CEP76: variants seen among roughly 807,000 people sequenced by gnomAD.
CEP76 encodes centrosomal protein of 76 kDa.
In CEP76, 55 loss-of-function variants were observed where a neutral mutation model predicts 83.3. The observed-to-expected ratio is 0.66, with a 90% CI of 0.53 to 0.83. The LOEUF is 0.83. Among genes scored for constraint, CEP76 ranks in the 40% least tolerant of loss-of-function variants. The pLI is 0.00. For missense variants in CEP76, 694 were observed against 799.5 expected, an observed-to-expected ratio of 0.87 and a Z score of 1.59; for synonymous variants, 270 against 274.5, an observed-to-expected ratio of 0.98 and a Z score of 0.16.
At chr18:12,674,902 A>G (rs1230147963) in intron 10 of CEP76, 149 bp from the exon 11 acceptor site, 2 of 499,580 alleles carry the variant, frequency 4.0e-6, no homozygotes, top group Non-Finnish European at 6.8e-6. Context: ...ATAGGGATAC[A>G]TAGAAATAAA....
intron 4 of CEP76, among the ~76,000 whole-genome samples, chr18:12,698,607 C>T (rs4633785): frequency 0.39 from 59,511 of 151,918 alleles, 12,054 homozygotes; most frequent in Non-Finnish European, 0.45. Flanking sequence ...GCCTAAACTT[C>T]GACTTTTAAA....
At chr18:12,667,416 C>T (rs993659693) in intron 12 of CEP76, among the ~76,000 whole-genome samples, 1 of 151,916 alleles carries the variant, frequency 6.6e-6, no homozygotes, top group Admixed American at 6.6e-5. Flanking sequence ...ATGATCACAC[C>T]ACTGCACTCT....
intron 10 of CEP76, 144 bp from the exon 11 acceptor site, chr18:12,674,897 G>C (rs1286576340): frequency 6.1e-6 from 3 of 495,074 alleles, no homozygotes; most frequent in Non-Finnish European, 1.0e-5. Flanking sequence ...TAATTATAGG[G>C]ATACATAGAA....
chr18:12,699,285 G>T, intron 3 of CEP76, 82 bp from the exon 4 acceptor site: 3 of 1,015,472 alleles, frequency 3.0e-6, no homozygotes, highest in South Asian at 3.4e-5. Flanking sequence ...ATAAAAACTT[G>T]ACAGATAAAA....
At chr18:12,671,642 C>CTTTTTT (rs869130220), downstream of CEP76, among the ~76,000 whole-genome samples, 154 of 55,546 alleles carry the variant, frequency 2.8e-3, no homozygotes, top group Non-Finnish European at 3.1e-3. Flanking sequence ...TTCACACTTT[C>CTTTTTT]TTTTTTTTTT....
chr18:12,691,967 C>T (rs1223240839), intron 6 of CEP76, among the ~76,000 whole-genome samples: 1 of 152,076 alleles, frequency 6.6e-6, no homozygotes, highest in Non-Finnish European at 1.5e-5. Flanking sequence ...GATCCGCCCG[C>T]CTTGGCCTCC....
At chr18:12,677,440 G>C (rs962989176) in intron 10 of CEP76, among the ~76,000 whole-genome samples, 2 of 115,120 alleles carry the variant, frequency 1.7e-5, no homozygotes, top group Admixed American at 1.2e-4. Context: ...CTGGGTGACA[G>C]AGCGAGAGAT....
chr18:12,671,628 A>C (rs992355349), downstream of CEP76, among the ~76,000 whole-genome samples: 2 of 147,080 alleles, frequency 1.4e-5, no homozygotes, highest in Middle Eastern at 3.5e-3. Context: ...TTGAGGAATC[A>C]GGTTTCACAC....
At chr18:12,669,736 C>T (rs1383289851), downstream of CEP76, among the ~76,000 whole-genome samples, 1 of 152,088 alleles carries the variant, frequency 6.6e-6, no homozygotes, top group African/African-American at 2.4e-5. Flanking sequence ...CATGGTGGCT[C>T]ACGCCTGTAA....
chr18:12,664,700 T>C (rs2038770343), intron 12 of CEP76, among the ~76,000 whole-genome samples: 1 of 143,904 alleles, frequency 6.9e-6, no homozygotes, highest in Non-Finnish European at 1.5e-5. Context: ...GTCCTGATCT[T>C]TTTTTTTTTT....
chr18:12,700,926 ACT>A, intron 2 of CEP76, 30 bp downstream of exon 2: 1 of 1,534,708 alleles, frequency 6.5e-7, no homozygotes, highest in Non-Finnish European at 9.0e-7. Context: ...ATACATATAT[ACT>A]CTCATTTATT....
At chr18:12,699,310 A>T in intron 3 of CEP76, 107 bp from the exon 4 acceptor site, 1 of 747,774 alleles carries the variant, frequency 1.3e-6, no homozygotes, top group Non-Finnish European at 2.2e-6. Context: ...AATACCAAAG[A>T]CTAAAAAAAA....
At chr18:12,680,973 T>A in intron 8 of CEP76, 145 bp from the exon 9 acceptor site, 1 of 641,266 alleles carries the variant, frequency 1.6e-6, no homozygotes, top group Non-Finnish European at 2.5e-6. Flanking sequence ...CCAAGGCGGG[T>A]GGATCACATG....
intron 5 of CEP76, among the ~76,000 whole-genome samples, chr18:12,695,887 A>G (rs1053481997): frequency 1.5e-5 from 2 of 132,724 alleles, no homozygotes; most frequent in Non-Finnish European, 3.3e-5. Flanking sequence ...CACACACACT[A>G]AAAATTAGAA....
chr18:12,677,581 G>A (rs1412974085), intron 10 of CEP76, among the ~76,000 whole-genome samples: 5 of 151,972 alleles, frequency 3.3e-5, no homozygotes, highest in Non-Finnish European at 5.9e-5. Context: ...CCAACCTGGG[G>A]AGAAAAATGA....
rs1429271844 is a variant in CEP76 at position 12,698,827 on chromosome 18, A to G, written c.520+152T>C. The G allele has an allele frequency of 6.6e-6, 4 of 610,314 alleles. No individual in the cohort carries two copies. The East Asian group carries it at 1.1e-4, about 17-fold the overall frequency. The allele number at this position is 610,314 out of a possible 1,614,324, so 37.8% of individuals were successfully genotyped here. ...CAAACAGAATATTGCAAGAAGGTGG[A>G]TAGTAGTTTAAATTGAAAAGAGCAG... On this transcript the variant is annotated intron_variant, in intron 4 of 11. Coordinates refer to ENST00000262127, the MANE Select transcript of CEP76 (RefSeq NM_024899.4).
At chr18:12,669,139 G>C (rs1232893206), downstream of CEP76, among the ~76,000 whole-genome samples, 1 of 134,358 alleles carries the variant, frequency 7.4e-6, no homozygotes, top group Non-Finnish European at 1.6e-5. Context: ...TTTTGAGACA[G>C]AGTTTCACTG....
intron 9 of CEP76, among the ~76,000 whole-genome samples, chr18:12,680,318 G>A (rs1019105465): frequency 4.0e-5 from 6 of 151,898 alleles, no homozygotes; most frequent in Admixed American, 1.3e-4. Flanking sequence ...AACTTAAGCC[G>A]GACACAGTGG....
rs531171236 is a variant in CEP76 at position 12,673,270 on chromosome 18, T to C, written c.*95A>G. ...GAAGTATGCCATTCAAGCCAGATTGTGATTTTAAAATAACAAACCTCTAAA... is the reference window on the plus strand; with the variant it reads ...GAAGTATGCCATTCAAGCCAGATTGCGATTTTAAAATAACAAACCTCTAAA... On this transcript the variant is annotated 3_prime_UTR_variant, in exon 12 of 12. Transcript: ENST00000262127. 23 of 1,480,910 alleles carry C rather than the reference T, an allele frequency of 1.6e-5. No homozygotes were observed. In the African/African-American group the frequency reaches 1.8e-4, roughly 11 times the overall value. 91.7% of individuals were successfully genotyped at this position (1,480,910 alleles called of 1,614,324 possible).
Sources: gnomAD v4.1 joint callset for allele counts (sites outside exome capture counted in the v4.1 genomes callset) on GRCh38, gnomAD v4.1.1 for gene constraint, MANE v1.5 for transcripts, NCBI Gene and HGNC (gene_info 2026-07-23, HGNC 2026-07-21) for gene names.